The following NPIPB2 variants were observed in gnomAD, a reference collection of about 807,000 sequenced individuals.
NPIPB2 encodes the protein nuclear pore complex-interacting protein family member B2.
In NPIPB2, 27 loss-of-function variants were observed where a neutral mutation model predicts 30.8. The ratio of observed to expected loss-of-function variants is 0.88; its 90% CI spans 0.65 to 1.21. The LOEUF (loss-of-function observed/expected upper bound fraction) is 1.21. NPIPB2 is among the 50% of genes most tolerant of loss of function. The probability of loss-of-function intolerance (pLI) is 0.00; values close to 1 mark genes in which losing one functional copy is unlikely to be tolerated. For missense variants in NPIPB2, 440 were observed against 446.2 expected (o/e 0.99, Z 0.13); for synonymous variants, 147 against 162.0 (o/e 0.91, Z 0.70).
At chr16:11,947,446 G>A (rs186532232) in intron 1 of NPIPB2, among the ~76,000 whole-genome samples, 853 of 151,522 alleles carry the variant, frequency 5.6e-3, no homozygotes, top group Non-Finnish European at 9.4e-3. Flanking sequence ...CCAGGTTCAC[G>A]CCATTCTCCT....
chr16:11,942,959 A>T (rs981339689), upstream of NPIPB2, among the ~76,000 whole-genome samples: 6 of 151,862 alleles, frequency 4.0e-5, no homozygotes, highest in African/African-American at 1.4e-4. Flanking sequence ...TATTCTATTG[A>T]TGCTACAAAT....
chr16:11,940,743 G>C (rs1295971566), intron 1 of NPIPB2, among the ~76,000 whole-genome samples: 1 of 113,136 alleles, frequency 8.8e-6, no homozygotes, highest in African/African-American at 3.4e-5. Flanking sequence ...CTGGGCGACA[G>C]AGTGAGACTC....
rs548476382 is a variant in NPIPB2 at position 11,957,169 on chromosome 16, T to C, written c.-583-15055A>G. On this transcript the variant is annotated intron_variant, in intron 1 of 5. Transcript: ENST00000538896. ...ACCACACCTGTCTAACTTTTTCTTT[T>C]TTTTTTTTTTTTTGAGATGGAGTCT... 9.5e-5 allele frequency among the ~76,000 whole-genome samples: 14 copies of C among 147,792 alleles called. 1 individual carries two copies. In the South Asian group the frequency reaches 2.6e-3, roughly 28 times the overall value.
chr16:11,951,460 C>CAAA (rs144775580), intron 1 of NPIPB2, among the ~76,000 whole-genome samples: 1,434 of 49,502 alleles, frequency 0.029, 217 homozygotes, highest in African/African-American at 0.1. Context: ...AAGACTGTCT[C>CAAA]AAAAAAAAAA....
At chr16:11,960,404 G>T (rs564631120) in intron 1 of NPIPB2, among the ~76,000 whole-genome samples, 1 of 148,128 alleles carries the variant, frequency 6.8e-6, no homozygotes, top group South Asian at 2.2e-4. Context: ...GCCCACGCTG[G>T]AGTGTGCAGT....
At chr16:11,955,676 G>A (rs963000735) in intron 1 of NPIPB2, among the ~76,000 whole-genome samples, 25 of 150,104 alleles carry the variant, frequency 1.7e-4, no homozygotes, top group South Asian at 8.4e-4. Context: ...AGCTGAGATC[G>A]TACCACTGGA....
chr16:11,971,190 G>A (rs1282529555), intron 1 of NPIPB2, among the ~76,000 whole-genome samples: 1 of 152,040 alleles, frequency 6.6e-6, no homozygotes, highest in Non-Finnish European at 1.5e-5. Flanking sequence ...ACATTGTTGT[G>A]TGCTAGGTCA....
At chr16:11,975,992 G>A (rs1311410015) in intron 1 of NPIPB2, among the ~76,000 whole-genome samples, 1 of 151,876 alleles carries the variant, frequency 6.6e-6, no homozygotes, top group Non-Finnish European at 1.5e-5. Context: ...CGTTGCCCAG[G>A]CTGCTCTTGA....
chr16:11,975,382 C>T (rs1430973272), intron 1 of NPIPB2, among the ~76,000 whole-genome samples: 16 of 150,252 alleles, frequency 1.1e-4, no homozygotes, highest in South Asian at 2.1e-4. Context: ...CTCCTGACCT[C>T]GTGATCCGCC....
upstream of NPIPB2, among the ~76,000 whole-genome samples, chr16:11,947,040 T>TTATATA (rs57486204): frequency 0.44 from 61,490 of 139,496 alleles, 16,245 homozygotes; most frequent in Non-Finnish European, 0.6. Context: ...ACTATTTGAA[T>TTATATA]TATATATATA....
At chr16:11,966,046 G>A (rs539337453) in intron 1 of NPIPB2, 3 of 602,724 alleles carry the variant, frequency 5.0e-6, no homozygotes, top group Middle Eastern at 4.9e-4. Flanking sequence ...GGGAGGTGGA[G>A]GTTGCAGTGA....
intron 1 of NPIPB2, among the ~76,000 whole-genome samples, chr16:11,947,056 A>ATATG (rs1410486050): frequency 3.6e-4 from 50 of 138,774 alleles, no homozygotes; most frequent in Middle Eastern, 3.8e-3. Context: ...ATATATATAT[A>ATATG]TATGGTATAT....
At chr16:11,966,325 C>G (rs180992520) in intron 1 of NPIPB2, 1 of 1,611,858 alleles carries the variant, frequency 6.2e-7, no homozygotes, top group Non-Finnish European at 8.5e-7. Context: ...CATTAAAGGA[C>G]GAGTTTAAAA....
chr16:11,973,024 G>A (rs915321775), intron 1 of NPIPB2, among the ~76,000 whole-genome samples: 9 of 152,052 alleles, frequency 5.9e-5, no homozygotes, highest in African/African-American at 1.7e-4. Flanking sequence ...GCCGGGCGCG[G>A]TGGCACATGC....
intron 2 of NPIPB2, among the ~76,000 whole-genome samples, chr16:11,934,850 T>A: frequency 1.1e-5 from 1 of 89,628 alleles, no homozygotes. Context: ...AGAGTGAGAC[T>A]CTGTCTCAAA....
chr16:11,954,682 A>C (rs867040872), intron 1 of NPIPB2, among the ~76,000 whole-genome samples: 89 of 151,746 alleles, frequency 5.9e-4, no homozygotes, highest in African/African-American at 2.0e-3. Flanking sequence ...CCGAGGCGGT[A>C]GGATCACGAG....
chr16:11,951,655 CACACACACACA>C (rs2055065583), intron 1 of NPIPB2, among the ~76,000 whole-genome samples: 2 of 148,026 alleles, frequency 1.4e-5, no homozygotes, highest in African/African-American at 2.4e-5. Flanking sequence ...CACACACACA[CACACACACACA>C]CCCAGCCCCC....
In NPIPB2 at chr16:11,936,132, C is replaced by T. The variant is rs1449730750; in HGVS notation, c.192+1408G>A. ...TAGCCTGGCCAACATGGTAAAACCC[C>T]GACTCTACTAAAAATACAAAAATTA... On this transcript the variant is annotated intron_variant, in intron 2 of 7. Coordinates refer to ENST00000399147, the Ensembl canonical transcript of NPIPB2. 5.7e-4 allele frequency among the ~76,000 whole-genome samples: 83 copies of T among 145,176 alleles called. 1 individual carries two copies. In the East Asian group the frequency reaches 7.9e-3, roughly 14 times the overall value.
At chr16:11,931,880 T>G (rs1397497695) in intron 4 of NPIPB2, among the ~76,000 whole-genome samples, 1 of 152,182 alleles carries the variant, frequency 6.6e-6, no homozygotes, top group Non-Finnish European at 1.5e-5. Flanking sequence ...GAAAGTCAGC[T>G]TCGCATTTGG....
Sources: gnomAD v4.1 joint callset for allele counts (sites outside exome capture counted in the v4.1 genomes callset) on GRCh38, gnomAD v4.1.1 for gene constraint, MANE v1.5 for transcripts, NCBI Gene and HGNC (gene_info 2026-07-23, HGNC 2026-07-21) for gene names.